The following CNTN5 variants were observed in gnomAD, a reference collection of about 807,000 sequenced individuals.
The protein encoded by CNTN5 is contactin 5.
CNTN5 carries 77 observed loss-of-function variants against 129.1 expected under a neutral mutation model. The observed-to-expected ratio is 0.60, with a 90% CI of 0.50 to 0.72. The LOEUF (loss-of-function observed/expected upper bound fraction) is 0.72. CNTN5 is among the 30% of genes least tolerant of loss of function. CNTN5 has a pLI of 0.00. For missense variants in CNTN5, 1,478 were observed against 1,328.8 expected (o/e 1.11, Z -1.75); for synonymous variants, 509 against 465.6 (o/e 1.09, Z -1.20).
rs182516920 is a variant in CNTN5, at chr11:100,052,722, C to T, written c.981-8490C>T. 7.2e-5 allele frequency among the ~76,000 whole-genome samples: 11 copies of T among 151,798 alleles called. No individual in the cohort carries two copies. In the East Asian group the frequency reaches 1.9e-3, roughly 27 times the overall value. ...TTTAGCAAGCTACTTCTGAAACTTACATGAAATTCAAAGCATATGAAATAG... is the reference window on the plus strand; with the variant it reads ...TTTAGCAAGCTACTTCTGAAACTTATATGAAATTCAAAGCATATGAAATAG... On this transcript the variant is annotated intron_variant, in intron 9 of 24. Coordinates refer to ENST00000524871, the MANE Select transcript of CNTN5 (RefSeq NM_014361.4).
At chr11:99,400,395 G>A (rs185200683) in intron 2 of CNTN5, among the ~76,000 whole-genome samples, 4 of 152,178 alleles carry the variant, frequency 2.6e-5, no homozygotes, top group Non-Finnish European at 5.9e-5. Flanking sequence ...ATCAAATGGT[G>A]AGAATTTCAT....
chr11:99,456,974 A>G (rs867774437), intron 2 of CNTN5, among the ~76,000 whole-genome samples: 1 of 152,008 alleles, frequency 6.6e-6, no homozygotes, highest in African/African-American at 2.4e-5. Flanking sequence ...AACGTGATAG[A>G]TGCTTCTGAT....
chr11:99,155,688 A>G (rs1454424065), intron 1 of CNTN5, among the ~76,000 whole-genome samples: 1 of 152,216 alleles, frequency 6.6e-6, no homozygotes, highest in East Asian at 1.9e-4. Flanking sequence ...AAGCCCATCC[A>G]TATTGGTAGC....
At chr11:99,988,595 T>C (rs1938846496) in intron 8 of CNTN5, among the ~76,000 whole-genome samples, 1 of 152,186 alleles carries the variant, frequency 6.6e-6, no homozygotes, top group African/African-American at 2.4e-5. Flanking sequence ...CATGACATGA[T>C]AAGAGAAATG....
intron 1 of CNTN5, among the ~76,000 whole-genome samples, chr11:99,252,366 C>G (rs1862156239): frequency 6.6e-6 from 1 of 151,618 alleles, no homozygotes; most frequent in South Asian, 2.1e-4. Context: ...ACAAAAAAAC[C>G]CCAAAATCAC....
intron 8 of CNTN5, among the ~76,000 whole-genome samples, chr11:99,986,156 T>A (rs1175007801): frequency 6.6e-6 from 1 of 152,092 alleles, no homozygotes; most frequent in Non-Finnish European, 1.5e-5. Context: ...TCAAGTGCCT[T>A]CCCTTTCTAG....
chr11:99,472,657 T>G (rs562180712), intron 2 of CNTN5, among the ~76,000 whole-genome samples: 1 of 152,098 alleles, frequency 6.6e-6, no homozygotes, highest in Non-Finnish European at 1.5e-5. Context: ...TTAGCATATT[T>G]CTTTCCTTCT....
intron 9 of CNTN5, among the ~76,000 whole-genome samples, chr11:100,059,548 A>G (rs1943376181): frequency 6.6e-6 from 1 of 152,146 alleles, no homozygotes; most frequent in South Asian, 2.1e-4. Flanking sequence ...ATAAGCAAAC[A>G]TTTCACAGAA....
At chr11:99,973,082 C>T (rs1227702529) in intron 8 of CNTN5, among the ~76,000 whole-genome samples, 6 of 151,804 alleles carry the variant, frequency 4.0e-5, no homozygotes, top group Non-Finnish European at 5.9e-5. Context: ...ATAACAAAAT[C>T]GTGTTGGAGG....
chr11:99,983,970 A>C (rs947772350), intron 8 of CNTN5, among the ~76,000 whole-genome samples: 5 of 152,154 alleles, frequency 3.3e-5, no homozygotes, highest in African/African-American at 1.2e-4. Flanking sequence ...TATCATAAGA[A>C]ATAAACAATT....
chr11:99,755,039 C>A (rs1015918744), intron 3 of CNTN5, among the ~76,000 whole-genome samples: 2 of 152,040 alleles, frequency 1.3e-5, no homozygotes, highest in African/African-American at 4.8e-5. Flanking sequence ...TGGTTAACTT[C>A]TTTGACTTAG....
rs771872364 is a variant in CNTN5, at chr11:100,071,769, T to C, written c.1364T>C (p.Met455Thr). 2 of 1,605,174 alleles carry C rather than the reference T, an allele frequency of 1.2e-6. No homozygotes were observed. Among genetic ancestry groups the C allele is most frequent in the Non-Finnish European group, 8.5e-7 (1 of 1,175,118 alleles). The stretch of plus-strand genomic sequence containing the variant: ...AATGTGAATCAATCAGATGCTGGAA[T>C]GTATCAGTGTTTGGCTGAAAATAAG... ...IHNVNQSDAG[M>T]YQCLAENKYG... is the part of the protein sequence containing the mutation. The change falls in exon 12 of 25, where the codon ATG (methionine) becomes ACG (threonine). Residue 455 changes from methionine to threonine, a missense_variant. Transcript: ENST00000524871.
intron 23 of CNTN5, among the ~76,000 whole-genome samples, chr11:100,349,379 A>G (rs577108642): frequency 6.6e-6 from 1 of 151,926 alleles, no homozygotes; most frequent in South Asian, 2.1e-4. Flanking sequence ...CAACCCTTTA[A>G]CAGTTAATAA....
chr11:99,367,445 A>T lies in CNTN5; in HGVS notation c.-71+41961A>T, dbSNP rs1202488716. On this transcript the variant is annotated intron_variant, in intron 2 of 24. Coordinates refer to ENST00000524871, the MANE Select transcript of CNTN5 (RefSeq NM_014361.4). Reference sequence around the variant, plus strand: ...AGGAAAATTCTGCCTTGAAGTTGGAATTGATAATGTTAAGAGAACACAGTG... The same window carrying T: ...AGGAAAATTCTGCCTTGAAGTTGGATTTGATAATGTTAAGAGAACACAGTG... 3.3e-5 allele frequency among the ~76,000 whole-genome samples: 5 copies of T among 152,148 alleles called. No homozygotes were observed. In the East Asian group the frequency reaches 9.6e-4, roughly 29 times the overall value.
chr11:100,185,082 C>T (rs1373909361), intron 13 of CNTN5, among the ~76,000 whole-genome samples: 3 of 152,096 alleles, frequency 2.0e-5, no homozygotes, highest in African/African-American at 7.2e-5. Flanking sequence ...TTCTTGAGGC[C>T]TCCCCATTCA....
At chr11:100,286,636 T>A (rs1372539074) in intron 18 of CNTN5, among the ~76,000 whole-genome samples, 2 of 148,254 alleles carry the variant, frequency 1.3e-5, no homozygotes, top group East Asian at 3.9e-4. Context: ...CAAAAGTAGA[T>A]AAAACCACAA....
rs552371743 is a variant in CNTN5 at position 99,564,845 on chromosome 11, G to A, written c.55+8576G>A. Among the ~76,000 whole-genome samples, 30 of 152,040 alleles carry A rather than the reference G, an allele frequency of 2.0e-4. No homozygotes were observed. The South Asian group carries it at 3.1e-3, about 16-fold the overall frequency. ...ATAAGCAGCTTTCCTGATGGTTTTC[G>A]GCTCTTTGTAAATTCAGTCTCCATG... is the stretch of plus-strand genomic sequence containing the variant. On this transcript the variant is annotated intron_variant, in intron 3 of 24. Coordinates refer to ENST00000524871, the MANE Select transcript of CNTN5 (RefSeq NM_014361.4).
At chr11:99,850,857 A>G (rs942031183) in intron 6 of CNTN5, among the ~76,000 whole-genome samples, 1 of 152,120 alleles carries the variant, frequency 6.6e-6, no homozygotes, top group African/African-American at 2.4e-5. Flanking sequence ...CTCTTGACAA[A>G]TTTTCATAAA....
At chr11:100,002,007 G>C (rs867266273) in intron 8 of CNTN5, 27 bp from the exon 9 acceptor site, 1 of 1,412,408 alleles carries the variant, frequency 7.1e-7, no homozygotes. Flanking sequence ...TTCATTTGAT[G>C]CTTAAAGACT....
Sources: gnomAD v4.1 joint callset for allele counts (sites outside exome capture counted in the v4.1 genomes callset) on GRCh38, gnomAD v4.1.1 for gene constraint, MANE v1.5 for transcripts, NCBI Gene and HGNC (gene_info 2026-07-23, HGNC 2026-07-21) for gene names.